The following ZNF337 variants were observed in gnomAD, a reference collection of about 807,000 sequenced individuals.
The protein encoded by ZNF337 is zinc finger protein 337.
ZNF337 carries 8 observed loss-of-function variants against 12.1 expected under a neutral mutation model. The observed-to-expected ratio is 0.66, with a 90% CI of 0.39 to 1.19. ZNF337 has a LOEUF of 1.19. Ranked by LOEUF, ZNF337 falls within the 50% of genes most tolerant of loss-of-function variation. The probability of loss-of-function intolerance (pLI) is 0.01; values close to 1 mark genes in which losing one functional copy is unlikely to be tolerated. For missense variants in ZNF337, 882 were observed against 896.6 expected (o/e 0.98, Z 0.21); for synonymous variants, 336 against 320.0 (o/e 1.05, Z -0.53).
At chr20:25,682,491 C>CA (rs1251968518) in intron 4 of ZNF337, among the ~76,000 whole-genome samples, 4 of 151,522 alleles carry the variant, frequency 2.6e-5, no homozygotes, top group South Asian at 2.1e-4. Context: ...ACTGCCCTCC[C>CA]AAAAAAAACT....
chr20:25,674,227 A>G lies in ZNF337; in HGVS notation c.*805T>C, dbSNP rs543043823. 14 of 152,312 alleles carry G rather than the reference A, an allele frequency of 9.2e-5. No homozygotes were observed. The highest frequency in any genetic ancestry group is 3.4e-4 in the African/African-American group (14 of 41,562). 9.4% of individuals were successfully genotyped at this position (152,312 alleles called of 1,614,324 possible). A position where few individuals can be genotyped will look rare whatever the true frequency, so the allele number is the denominator to read the frequency against. Reference sequence around the variant, plus strand: ...ACTGACTAGGAAATGTATAAAGAGGACTTTATTTTCCCAGAGTTCTGGAGG... The same window carrying G: ...ACTGACTAGGAAATGTATAAAGAGGGCTTTATTTTCCCAGAGTTCTGGAGG... On this transcript the variant is annotated 3_prime_UTR_variant, in exon 5 of 5. Transcript: ENST00000252979.
In ZNF337 at chr20:25,696,829, C is replaced by A. The variant is rs1180095727; in HGVS notation, c.-120G>T. ...GACCACGCATCTCACGGCTCGCTGACGCCCAGGGATCTGGAACGCTCTGCG... is the reference window on the plus strand; with the variant it reads ...GACCACGCATCTCACGGCTCGCTGAAGCCCAGGGATCTGGAACGCTCTGCG... On this transcript the variant is annotated 5_prime_UTR_variant, in exon 1 of 5. Transcript: ENST00000252979. The A allele has an allele frequency of 3.0e-6, 3 of 985,496 alleles. No homozygotes were observed. Among genetic ancestry groups the A allele is most frequent in the Non-Finnish European group, 3.6e-6 (3 of 829,954 alleles). The allele number at this position is 985,496 out of a possible 1,614,324, so 61.0% of individuals were successfully genotyped here. A position where few individuals can be genotyped will look rare whatever the true frequency, so the allele number is the denominator to read the frequency against.
rs766371366 is a variant in ZNF337, at chr20:25,676,361, C to G, written c.927G>C (p.Lys309Asn). The change falls in exon 5 of 5, where the codon AAG (lysine) becomes AAC (asparagine). Residue 309 changes from lysine to asparagine, a missense_variant. Coordinates refer to ENST00000252979, the MANE Select transcript of ZNF337 (RefSeq NM_015655.4). ...TCTCCCCTGAATGCGCCTTCAAGTG[C>G]TTGTTGTATGAGGACTTATCGTTAA... The part of the protein sequence containing the change: ...RRFNDKSSYN[K>N]HLKAHSGEKP... 4.3e-6 allele frequency: 7 copies of G among 1,613,956 alleles called. No homozygotes were observed. In the African/African-American group the frequency reaches 9.3e-5, roughly 22 times the overall value.
At chr20:25,687,573 T>C (rs1038815657) in intron 1 of ZNF337, among the ~76,000 whole-genome samples, 3 of 152,120 alleles carry the variant, frequency 2.0e-5, no homozygotes, top group African/African-American at 2.4e-5. Context: ...AGTGAACAAA[T>C]ACTATGGTGT....
At chr20:25,690,592 G>C (rs932278539) in intron 1 of ZNF337, among the ~76,000 whole-genome samples, 1 of 152,178 alleles carries the variant, frequency 6.6e-6, no homozygotes, top group Admixed American at 6.5e-5. Context: ...GAAAAGCACT[G>C]GATCATGCTT....
chr20:25,686,539 C>G, intron 1 of ZNF337, 73 bp from the exon 2 acceptor site: 1 of 1,164,168 alleles, frequency 8.6e-7, no homozygotes, highest in Non-Finnish European at 1.2e-6. Context: ...GGTGTGATTC[C>G]AATACCAACT....
chr20:25,687,078 T>C (rs981975443), intron 1 of ZNF337: 1 of 152,256 alleles, frequency 6.6e-6, no homozygotes, highest in Non-Finnish European at 1.5e-5. Flanking sequence ...CAGTGAAATC[T>C]GAACACTAAT....
At chr20:25,690,112 C>T (rs1160914631) in intron 1 of ZNF337, among the ~76,000 whole-genome samples, 1 of 150,638 alleles carries the variant, frequency 6.6e-6, no homozygotes, top group Non-Finnish European at 1.5e-5. Flanking sequence ...ATGGCAAAGG[C>T]TCATCTCTAC....
intron 1 of ZNF337, among the ~76,000 whole-genome samples, chr20:25,689,550 T>C (rs1303873740): frequency 1.3e-5 from 2 of 152,080 alleles, no homozygotes; most frequent in East Asian, 3.8e-4. Context: ...GTGACCTGTG[T>C]ATACTTTAAA....
chr20:25,683,086 C>A (rs1449894869), intron 4 of ZNF337, among the ~76,000 whole-genome samples: 2 of 152,104 alleles, frequency 1.3e-5, no homozygotes, highest in African/African-American at 4.8e-5. Flanking sequence ...AAACTTAACA[C>A]CACTTTTCAG....
At position 25,673,939 on chromosome 20, in the gene ZNF337, G is replaced by C. The variant is rs1321583335; in HGVS notation, c.*1093C>G. 1 of 152,182 alleles carries C rather than the reference G, an allele frequency of 6.6e-6. No homozygotes were observed. Among genetic ancestry groups the C allele is most frequent in the African/African-American group, 2.4e-5 (1 of 41,432 alleles). The allele number at this position is 152,182 out of a possible 1,614,324, so 9.4% of individuals were successfully genotyped here. A position where few individuals can be genotyped will look rare whatever the true frequency, so the allele number is the denominator to read the frequency against. ...GAGGCATTTTCTCAGGAAATCACCT[G>C]TGAAATATTTTGCAGCTAACCACCT... On this transcript the variant is annotated 3_prime_UTR_variant, in exon 5 of 5. Transcript: ENST00000252979.
In ZNF337 at chr20:25,676,040, C is replaced by T. The variant is rs776318005; in HGVS notation, c.1248G>A (p.Lys416=). The T allele has an allele frequency of 1.1e-5, 18 of 1,614,054 alleles. No individual in the cohort carries two copies. Among genetic ancestry groups the T allele is most frequent in the Non-Finnish European group, 1.5e-5 (18 of 1,180,030 alleles). The stretch of plus-strand genomic sequence containing the variant: ...TTCTCTGGTGGTAGACAAGAGTTGA[C>T]TTTTGGCTAAAGCTTCGCTCACAAT... ...CKDCERSFSQ[K]STLVYHQRTH... The change falls in exon 5 of 5, where the codon AAG becomes AAA. Residue 416 remains lysine, a synonymous_variant. Transcript: ENST00000252979.
chr20:25,692,736 CTG>C (rs1490241998), intron 1 of ZNF337, among the ~76,000 whole-genome samples: 1 of 152,098 alleles, frequency 6.6e-6, no homozygotes, highest in African/African-American at 2.4e-5. Flanking sequence ...GGAACAGAAA[CTG>C]AGAGCCGTAA....
intron 1 of ZNF337, among the ~76,000 whole-genome samples, chr20:25,693,724 T>C (rs1037039566): frequency 6.6e-6 from 1 of 151,896 alleles, no homozygotes; most frequent in Non-Finnish European, 1.5e-5. Context: ...TGTCAGACAT[T>C]AGCAAAGGAA....
rs941212657 is a variant in ZNF337, at chr20:25,696,772, G to A, written c.-63C>T. ...AGCGCAGCTCACCGGGGCGGCTGAG[G>A]GCGAACCGAGGCGGTGAGGTCACCG... On this transcript the variant is annotated 5_prime_UTR_variant, in exon 1 of 5. Coordinates refer to ENST00000252979, the MANE Select transcript of ZNF337 (RefSeq NM_015655.4). 6.1e-6 allele frequency: 6 copies of A among 985,410 alleles called. No homozygotes were observed. The highest frequency in any genetic ancestry group is 9.4e-5 in the South Asian group (2 of 21,300). 61.0% of individuals were successfully genotyped at this position (985,410 alleles called of 1,614,324 possible).
chr20:25,675,401 T>A lies in ZNF337; in HGVS notation c.1887A>T (p.Val629=). Reference sequence around the variant, plus strand: ...TGAAGCCTCGCCCACACTCCTTGCATACAAAAGGCTGCTTGCCAGAATGTG... The same window carrying A: ...TGAAGCCTCGCCCACACTCCTTGCAAACAAAAGGCTGCTTGCCAGAATGTG... The part of the protein sequence containing the change: ...QLAHSGKQPF[V]CKECGRGFNW... The change falls in exon 5 of 5, where the codon GTA becomes GTT. Residue 629 remains valine (V), a synonymous_variant. Transcript: ENST00000252979. 4.4e-6 allele frequency: 7 copies of A among 1,608,660 alleles called. No individual in the cohort carries two copies. Among genetic ancestry groups the A allele is most frequent in the Non-Finnish European group, 5.9e-6 (7 of 1,178,230 alleles).
intron 4 of ZNF337, among the ~76,000 whole-genome samples, chr20:25,679,933 G>C (rs557784459): frequency 6.6e-6 from 1 of 152,222 alleles, no homozygotes; most frequent in East Asian, 1.9e-4. Flanking sequence ...TAAAGAAAAT[G>C]TAGTACATAT....
intron 1 of ZNF337, among the ~76,000 whole-genome samples, chr20:25,695,619 T>C (rs900764712): frequency 3.3e-5 from 5 of 152,184 alleles, no homozygotes; most frequent in East Asian, 1.9e-4. Context: ...GCAGCCAACA[T>C]AGCTGGTTAC....
chr20:25,676,596 G>A lies in ZNF337; in HGVS notation c.692C>T (p.Thr231Ile), dbSNP rs200386201. 2.5e-6 allele frequency: 4 copies of A among 1,613,006 alleles called. No homozygotes were observed. Among genetic ancestry groups the A allele is most frequent in the Middle Eastern group, 1.7e-4 (1 of 6,056 alleles). Residue 231 changes from threonine to isoleucine, a missense_variant, in exon 5 of 5, where the codon ACA (threonine) becomes ATA (isoleucine). Physicochemically the swap from Thr to Ile is moderately conservative, Grantham distance 89 (BLOSUM62 -1). Transcript: ENST00000252979. ...SALLLHQNTH[T>I]GEKSYVCSVC... ...ACTGCACACATAGGACTTCTCTCCT[G>A]TGTGTGTGTTCTGGTGCAAGAGCAA...
Sources: allele counts gnomAD v4.1 joint callset (sites outside exome capture counted in the v4.1 genomes callset), GRCh38; gene constraint gnomAD v4.1.1; transcripts MANE v1.5; gene names NCBI Gene and HGNC (gene_info 2026-07-23, HGNC 2026-07-21).